CCDC192: variants seen among roughly 807,000 people sequenced by gnomAD.
The protein encoded by CCDC192 is coiled-coil domain-containing protein 192.
chr5:127,818,143 AT>A (rs1334427923), intron 5 of CCDC192, among the ~76,000 whole-genome samples: 2 of 144,574 alleles, frequency 1.4e-5, no homozygotes, highest in African/African-American at 5.8e-5. Context: ...ATATTTACAT[AT>A]TTTTTTGCTT....
rs55853620 is a variant in CCDC192 at position 127,712,029 on chromosome 5, C to T, written c.114+4269C>T. 2.3e-3 allele frequency among the ~76,000 whole-genome samples: 346 copies of T among 152,136 alleles called. 1 individual carries two copies. Among genetic ancestry groups the T allele is most frequent in the African/African-American group, 8.0e-3 (331 of 41,502 alleles). On this transcript the variant is annotated intron_variant, in intron 2 of 6. Transcript: ENST00000514853. ...TTACTCATGCACCTTAGGAATTCCC[C>T]CACCTGCCTCTCCCCACCTGCCCAC...
At chr5:127,840,793 C>T (rs904712140) in intron 5 of CCDC192, among the ~76,000 whole-genome samples, 2 of 152,146 alleles carry the variant, frequency 1.3e-5, no homozygotes, top group African/African-American at 4.8e-5. Context: ...CAATACGTTT[C>T]ATCATATTGC....
intron 2 of CCDC192, among the ~76,000 whole-genome samples, chr5:127,715,706 C>A (rs541295883): frequency 1.3e-5 from 2 of 152,170 alleles, no homozygotes; most frequent in Middle Eastern, 6.8e-3. Flanking sequence ...AATATATGTC[C>A]ATGAACATGA....
chr5:127,847,143 A>T (rs1024244882), intron 5 of CCDC192, among the ~76,000 whole-genome samples: 1 of 152,210 alleles, frequency 6.6e-6, no homozygotes, highest in Non-Finnish European at 1.5e-5. Context: ...ATCTCTTGCT[A>T]TGCTTTGTGT....
At chr5:127,722,701 T>C (rs953746107) in intron 2 of CCDC192, among the ~76,000 whole-genome samples, 9 of 152,188 alleles carry the variant, frequency 5.9e-5, no homozygotes, top group African/African-American at 2.4e-5. Context: ...CCCAGCACCA[T>C]TTATTGAAGA....
At chr5:127,724,790 A>G (rs1177927914) in intron 2 of CCDC192, among the ~76,000 whole-genome samples, 1 of 149,130 alleles carries the variant, frequency 6.7e-6, no homozygotes, top group Non-Finnish European at 1.5e-5. Context: ...CGGAGGTTGC[A>G]GTGAGCCGAG....
At chr5:127,757,782 A>ACACACACATG (rs1754683626) in intron 3 of CCDC192, among the ~76,000 whole-genome samples, 1 of 93,954 alleles carries the variant, frequency 1.1e-5, no homozygotes, top group African/African-American at 4.0e-5. Context: ...ACACACACAC[A>ACACACACATG]CACACACACA....
intron 2 of CCDC192, among the ~76,000 whole-genome samples, chr5:127,753,243 G>T (rs1754339986): frequency 6.6e-6 from 1 of 152,146 alleles, no homozygotes; most frequent in Admixed American, 6.5e-5. Context: ...ATCCTAGCAT[G>T]TACAAGGTTT....
At chr5:127,819,439 G>A (rs1749185467) in intron 5 of CCDC192, among the ~76,000 whole-genome samples, 1 of 152,042 alleles carries the variant, frequency 6.6e-6, no homozygotes, top group Admixed American at 6.6e-5. Flanking sequence ...TATTTCCACA[G>A]GAATATTTGA....
intron 5 of CCDC192, among the ~76,000 whole-genome samples, chr5:127,815,073 A>G (rs1025060894): frequency 3.3e-5 from 5 of 152,096 alleles, no homozygotes; most frequent in Admixed American, 1.3e-4. Flanking sequence ...AGCAATGACC[A>G]TGTGTAGCCT....
chr5:127,917,444 A>G (rs927614942), intron 6 of CCDC192, among the ~76,000 whole-genome samples: 1 of 152,238 alleles, frequency 6.6e-6, no homozygotes, highest in African/African-American at 2.4e-5. Context: ...GGCTTTCAGC[A>G]TGCTTTCCTC....
intron 5 of CCDC192, among the ~76,000 whole-genome samples, chr5:127,822,396 C>T (rs2127022546): frequency 6.6e-6 from 1 of 152,216 alleles, no homozygotes; most frequent in South Asian, 2.1e-4. Flanking sequence ...ATGCCTATGG[C>T]AGGACATAGC....
intron 2 of CCDC192, among the ~76,000 whole-genome samples, chr5:127,743,531 G>A (rs1222997391): frequency 1.3e-5 from 2 of 152,172 alleles, no homozygotes; most frequent in Non-Finnish European, 2.9e-5. Context: ...TATAGACCAT[G>A]CCTTCCAGAT....
rs1580790236 is a variant in CCDC192 at position 127,881,343 on chromosome 5, G to C, written c.535+5682G>C. Among the ~76,000 whole-genome samples the C allele has an allele frequency of 3.3e-5, 5 of 152,156 alleles. No individual in the cohort carries two copies. The South Asian group carries it at 1.0e-3, about 32-fold the overall frequency. ...AATATTCAGCTATTTCTCTGTTATA[G>C]TTACAAACTGATGCTTACAGTTCTA... On this transcript the variant is annotated intron_variant, in intron 6 of 6. Coordinates refer to ENST00000514853, the MANE Select transcript of CCDC192 (RefSeq NM_001317938.2).
intron 5 of CCDC192, among the ~76,000 whole-genome samples, chr5:127,845,205 A>G (rs1426651554): frequency 6.6e-6 from 1 of 152,174 alleles, no homozygotes; most frequent in Non-Finnish European, 1.5e-5. Context: ...TCTTGCCTCC[A>G]TGTCAGTCAT....
chr5:127,878,623 T>G (rs1024237017), intron 6 of CCDC192, among the ~76,000 whole-genome samples: 7 of 152,204 alleles, frequency 4.6e-5, no homozygotes, highest in Admixed American at 2.6e-4. Context: ...GCCACTGCAC[T>G]CCAGTCTTGG....
chr5:127,933,872 T>A (rs537511345), intron 6 of CCDC192, among the ~76,000 whole-genome samples: 1 of 152,218 alleles, frequency 6.6e-6, no homozygotes, highest in Non-Finnish European at 1.5e-5. Context: ...GCACCATCTA[T>A]GAGGAATGGG....
intron 2 of CCDC192, among the ~76,000 whole-genome samples, chr5:127,736,921 C>CT (rs1753042948): frequency 6.6e-6 from 1 of 150,452 alleles, no homozygotes; most frequent in Admixed American, 6.6e-5. Flanking sequence ...TTTTGTGTCT[C>CT]TATTTCCTTC....
At chr5:127,725,467 A>G (rs1752267711) in intron 2 of CCDC192, among the ~76,000 whole-genome samples, 1 of 152,246 alleles carries the variant, frequency 6.6e-6, no homozygotes. Context: ...TTTGAATAAT[A>G]CATTTTATTT....
Sources: allele counts gnomAD v4.1 joint callset (sites outside exome capture counted in the v4.1 genomes callset), GRCh38; gene constraint gnomAD v4.1.1; transcripts MANE v1.5; gene names NCBI Gene and HGNC (gene_info 2026-07-23, HGNC 2026-07-21).